PGBD2: variants seen among roughly 807,000 people sequenced by gnomAD.
The protein encoded by PGBD2 is piggyBac transposable element-derived protein 2.
A neutral mutation model predicts 8.1 loss-of-function variants in PGBD2; 6 were observed. That is an observed-to-expected ratio of 0.74 (90% CI 0.40 to 1.46). The LOEUF (loss-of-function observed/expected upper bound fraction) is 1.46, where lower values mean the gene tolerates loss of function less well. Ranked by LOEUF, PGBD2 falls within the 40% of genes most tolerant of loss-of-function variation. The probability of loss-of-function intolerance (pLI) is 0.02; values close to 1 mark genes in which losing one functional copy is unlikely to be tolerated. For synonymous variants in PGBD2, 318 were observed against 272.2 expected, an observed-to-expected ratio of 1.17 and a Z score of -1.66; for missense variants, 802 against 739.0, an observed-to-expected ratio of 1.09 and a Z score of -0.99.
the PGBD2 span, among the ~76,000 whole-genome samples, chr1:248,927,693 C>T: frequency 5.3e-5 from 8 of 152,226 alleles, no homozygotes; most frequent in Admixed American, 4.6e-4. Flanking sequence ...TTAGAAAGCT[C>T]AGGTTTATGA....
upstream of PGBD2, among the ~76,000 whole-genome samples, chr1:248,905,560 T>C (rs1661608019): frequency 6.6e-6 from 1 of 152,196 alleles, no homozygotes; most frequent in Non-Finnish European, 1.5e-5. Flanking sequence ...GTTCTATTTT[T>C]ACCAAGTAAA....
chr1:248,878,913 A>G, the PGBD2 span, among the ~76,000 whole-genome samples: 9 of 152,186 alleles, frequency 5.9e-5, no homozygotes, highest in South Asian at 8.3e-4. Flanking sequence ...GGAGTGATTT[A>G]ATGGTCCTAT....
At chr1:248,905,841 G>A (rs1456772798), upstream of PGBD2, among the ~76,000 whole-genome samples, 1 of 152,166 alleles carries the variant, frequency 6.6e-6, no homozygotes. Flanking sequence ...TGGTAAGGCC[G>A]ATTATTGGGC....
chr1:248,930,160 C>T, the PGBD2 span, among the ~76,000 whole-genome samples: 6 of 152,264 alleles, frequency 3.9e-5, no homozygotes, highest in South Asian at 4.2e-4. Context: ...GGCTGCTCAT[C>T]GCTGCTCAGC....
At chr1:248,906,209 C>G (rs1427164479), upstream of PGBD2, 1 of 151,690 alleles carries the variant, frequency 6.6e-6, no homozygotes. Context: ...GAAGGCCGGC[C>G]GAGGTGCAGC....
chr1:248,874,403 G>C, the PGBD2 span, among the ~76,000 whole-genome samples: 21 of 152,212 alleles, frequency 1.4e-4, no homozygotes, highest in South Asian at 2.1e-4. Context: ...TCTAAACAAA[G>C]GGCAAAACGC....
At chr1:248,914,185 G>A (rs1011248237) in intron 2 of PGBD2, among the ~76,000 whole-genome samples, 4 of 152,288 alleles carry the variant, frequency 2.6e-5, no homozygotes, top group East Asian at 1.9e-4. Flanking sequence ...CTCAGTCCCC[G>A]CAGGGTTTCT....
At chr1:248,901,215 A>AT (rs1210084888), upstream of PGBD2, among the ~76,000 whole-genome samples, 1 of 152,150 alleles carries the variant, frequency 6.6e-6, no homozygotes, top group Non-Finnish European at 1.5e-5. Context: ...TGCTATGGAC[A>AT]TTTTTCACAG....
At chr1:248,875,873 T>C in the PGBD2 span, among the ~76,000 whole-genome samples, 2 of 152,210 alleles carry the variant, frequency 1.3e-5, no homozygotes, top group Non-Finnish European at 2.9e-5. Flanking sequence ...GCTACAAATA[T>C]TTATAGAAAT....
chr1:248,880,154 C>A, the PGBD2 span, among the ~76,000 whole-genome samples: 1,917 of 152,268 alleles, frequency 0.013, 36 homozygotes, highest in African/African-American at 0.043. Context: ...CTTCAGAATA[C>A]ATTCTGGCAA....
the PGBD2 span, among the ~76,000 whole-genome samples, chr1:248,886,904 C>A: frequency 1.3e-5 from 2 of 152,154 alleles, no homozygotes; most frequent in Non-Finnish European, 2.9e-5. Flanking sequence ...TTCCAAAGAG[C>A]AAGCTAATTA....
rs367877673 is a variant in PGBD2 at position 248,913,884 on chromosome 1, G to A, written c.17+5G>A. The A allele has an allele frequency of 1.2e-6, 2 of 1,608,180 alleles. No homozygotes were observed. The highest frequency in any genetic ancestry group is 1.3e-5 in the African/African-American group (1 of 74,850). Reference sequence around the variant, plus strand: ...CATCATGGCTTCAACATCCAGGTAGGAGTGCTGTTTGATCAAATGTTTTAT... The same window carrying A: ...CATCATGGCTTCAACATCCAGGTAGAAGTGCTGTTTGATCAAATGTTTTAT... On this transcript the variant is annotated splice_donor_5th_base_variant and intron_variant, in intron 2 of 2. Coordinates refer to ENST00000329291, the MANE Select transcript of PGBD2 (RefSeq NM_170725.3).
chr1:248,928,162 C>A, the PGBD2 span, among the ~76,000 whole-genome samples: 1 of 152,040 alleles, frequency 6.6e-6, no homozygotes, highest in East Asian at 1.9e-4. Flanking sequence ...CACAAGTTTT[C>A]TTTTTTAAAA....
chr1:248,877,342 A>G, the PGBD2 span, among the ~76,000 whole-genome samples: 1,100 of 152,326 alleles, frequency 7.2e-3, 12 homozygotes, highest in Middle Eastern at 0.037. Context: ...TGTGGTTTGT[A>G]TATATTGTAG....
intron 2 of PGBD2, among the ~76,000 whole-genome samples, chr1:248,916,368 A>T (rs937195364): frequency 6.6e-6 from 1 of 152,136 alleles, no homozygotes; most frequent in African/African-American, 2.4e-5. Context: ...GCACCACTGC[A>T]CTCCAGCCTG....
At chr1:248,913,489 G>T (rs1422806586) in intron 1 of PGBD2, among the ~76,000 whole-genome samples, 1 of 152,128 alleles carries the variant, frequency 6.6e-6, no homozygotes. Flanking sequence ...TAGCTATTAT[G>T]GATCGTGCAG....
intron 2 of PGBD2, chr1:248,914,534 G>A (rs765395028): frequency 7.8e-7 from 1 of 1,289,266 alleles, no homozygotes; most frequent in South Asian, 1.2e-5. Context: ...TTCTAATGCA[G>A]CCTGAACTCC....
At chr1:248,911,040 C>G (rs562954614) in intron 1 of PGBD2, among the ~76,000 whole-genome samples, 3 of 152,128 alleles carry the variant, frequency 2.0e-5, no homozygotes, top group South Asian at 2.1e-4. Flanking sequence ...CCCTATTTGC[C>G]CCCCCATCTC....
the PGBD2 span, among the ~76,000 whole-genome samples, chr1:248,876,541 T>C: frequency 1.3e-5 from 2 of 152,230 alleles, no homozygotes; most frequent in Non-Finnish European, 2.9e-5. Context: ...GTAAAAGAGA[T>C]GTCTCTAGCT....
Sources: gnomAD v4.1 joint callset for allele counts (sites outside exome capture counted in the v4.1 genomes callset) on GRCh38, gnomAD v4.1.1 for gene constraint, MANE v1.5 for transcripts, NCBI Gene and HGNC (gene_info 2026-07-23, HGNC 2026-07-21) for gene names.